CDH12: variants seen among roughly 807,000 people sequenced by gnomAD.
CDH12 encodes cadherin 12.
Under a neutral mutation model 74.1 loss-of-function variants are expected in CDH12, and 41 were observed. The observed-to-expected ratio is 0.55, with a 90% CI of 0.43 to 0.72. The LOEUF is 0.72. Among genes scored for constraint, CDH12 ranks in the 30% least tolerant of loss-of-function variants. The pLI is 0.00. For missense variants in CDH12, 945 were observed against 977.2 expected, an observed-to-expected ratio of 0.97 and a Z score of 0.44; for synonymous variants, 399 against 355.0, an observed-to-expected ratio of 1.12 and a Z score of -1.39.
chr5:22,503,961 G>A (rs1263277212), intron 2 of CDH12, among the ~76,000 whole-genome samples: 1 of 151,848 alleles, frequency 6.6e-6, no homozygotes, highest in East Asian at 1.9e-4. Flanking sequence ...GCCTTTTATA[G>A]GAATTAAATT....
intron 6 of CDH12, among the ~76,000 whole-genome samples, chr5:21,945,427 C>CAAAAAAA (rs1167475672): frequency 0.015 from 236 of 15,520 alleles, 38 homozygotes; most frequent in African/African-American, 0.024. Context: ...CTGTTTCAGA[C>CAAAAAAA]AAAAAAAAAA....
At chr5:22,817,189 C>T (rs115576076) in intron 1 of CDH12, among the ~76,000 whole-genome samples, 2,230 of 152,000 alleles carry the variant, frequency 0.015, 63 homozygotes, top group African/African-American at 0.051. Flanking sequence ...TCTCACTTTC[C>T]GTATCTAATC....
At chr5:22,810,953 ATACATATATACT>A (rs1281873295) in intron 1 of CDH12, among the ~76,000 whole-genome samples, 3 of 148,776 alleles carry the variant, frequency 2.0e-5, no homozygotes, top group Non-Finnish European at 4.5e-5. Flanking sequence ...ACTTACATAT[ATACATATATACT>A]TACATATATA....
intron 4 of CDH12, among the ~76,000 whole-genome samples, chr5:22,176,833 T>C (rs996838159): frequency 2.2e-4 from 33 of 152,178 alleles, no homozygotes; most frequent in African/African-American, 6.7e-4. Context: ...CCTCTTTCAC[T>C]TCCTCCTGTA....
At chr5:21,976,300 G>T (rs1757067669) in intron 5 of CDH12, among the ~76,000 whole-genome samples, 1 of 152,084 alleles carries the variant, frequency 6.6e-6, no homozygotes, top group African/African-American at 2.4e-5. Context: ...AGATACACAT[G>T]AATAAGCGAT....
At chr5:22,502,898 A>G (rs115074504) in intron 2 of CDH12, among the ~76,000 whole-genome samples, 2,762 of 152,232 alleles carry the variant, frequency 0.018, 86 homozygotes, top group African/African-American at 0.063. Context: ...TTTTAAATTC[A>G]CCACATATGA....
rs1739529101 is a variant in CDH12, at chr5:22,647,962, T to C, written c.-522-142598A>G. Among the ~76,000 whole-genome samples, 3 of 151,900 alleles carry C rather than the reference T, an allele frequency of 2.0e-5. No individual in the cohort carries two copies. The South Asian group carries it at 6.2e-4, about 31-fold the overall frequency. On this transcript the variant is annotated intron_variant, in intron 1 of 14. Coordinates refer to ENST00000382254, the MANE Select transcript of CDH12 (RefSeq NM_004061.5). ...TATATATGTTTTTGAAAAATATACT[T>C]TAAGTACATTGCAATATCTTATTAA...
At chr5:22,388,601 A>G (rs1212305556) in intron 3 of CDH12, among the ~76,000 whole-genome samples, 1 of 152,158 alleles carries the variant, frequency 6.6e-6, no homozygotes, top group Non-Finnish European at 1.5e-5. Flanking sequence ...ATAGATCCCA[A>G]TTTGAAGCAT....
chr5:21,872,783 GATCTATCTA>G (rs1323377614), intron 6 of CDH12, among the ~76,000 whole-genome samples: 5 of 142,024 alleles, frequency 3.5e-5, no homozygotes, highest in Admixed American at 1.4e-4. Flanking sequence ...TTAAGAGTAA[GATCTATCTA>G]TCTATCTATC....
chr5:22,529,762 A>G (rs1319966447), intron 1 of CDH12, among the ~76,000 whole-genome samples: 2 of 152,206 alleles, frequency 1.3e-5, no homozygotes, highest in African/African-American at 4.8e-5. Flanking sequence ...GACATTGGCT[A>G]TCTTTTTATC....
chr5:22,590,483 A>G, intron 1 of CDH12, among the ~76,000 whole-genome samples: 1 of 152,122 alleles, frequency 6.6e-6, no homozygotes. Flanking sequence ...TATAAAACTG[A>G]TTATACAGTT....
chr5:22,673,728 C>G (rs1190067098), intron 1 of CDH12, among the ~76,000 whole-genome samples: 1 of 152,082 alleles, frequency 6.6e-6, no homozygotes, highest in Non-Finnish European at 1.5e-5. Flanking sequence ...GTTCTTGCAT[C>G]ACCTCCCTAT....
At chr5:22,155,401 A>T (rs1747962555) in intron 4 of CDH12, among the ~76,000 whole-genome samples, 2 of 152,110 alleles carry the variant, frequency 1.3e-5, no homozygotes, top group Non-Finnish European at 2.9e-5. Context: ...ATATCTCAAC[A>T]TCTAAAAAAA....
chr5:22,122,420 C>T (rs1224812816), intron 4 of CDH12, among the ~76,000 whole-genome samples: 2 of 151,956 alleles, frequency 1.3e-5, no homozygotes, highest in Non-Finnish European at 2.9e-5. Flanking sequence ...CAAAAACAAA[C>T]AAACAAACAA....
At chr5:21,835,918 A>G (rs1749504431) in intron 8 of CDH12, among the ~76,000 whole-genome samples, 1 of 151,832 alleles carries the variant, frequency 6.6e-6, no homozygotes. Flanking sequence ...ATTAACTTGG[A>G]CATCTTGTAG....
chr5:22,623,860 A>G (rs887051263), intron 1 of CDH12, among the ~76,000 whole-genome samples: 7 of 152,222 alleles, frequency 4.6e-5, no homozygotes, highest in Non-Finnish European at 8.8e-5. Context: ...TTGCCAAGAC[A>G]ATCCTAAGCC....
At chr5:22,343,775 A>G (rs1739994767) in intron 3 of CDH12, among the ~76,000 whole-genome samples, 2 of 152,200 alleles carry the variant, frequency 1.3e-5, no homozygotes, top group South Asian at 4.1e-4. Flanking sequence ...GAAATCCTAA[A>G]TATTTTTTAA....
intron 4 of CDH12, among the ~76,000 whole-genome samples, chr5:22,191,813 C>T (rs928080434): frequency 1.3e-5 from 2 of 152,006 alleles, no homozygotes; most frequent in Non-Finnish European, 2.9e-5. Flanking sequence ...ATCCGCCCGC[C>T]TCGGCCTCCC....
chr5:21,895,017 G>A (rs200891167), intron 6 of CDH12, among the ~76,000 whole-genome samples: 16 of 146,016 alleles, frequency 1.1e-4, no homozygotes, highest in African/African-American at 1.0e-4. Flanking sequence ...CAAATAAATT[G>A]AAAAAAAAAA....
Sources: gnomAD v4.1 joint callset for allele counts (sites outside exome capture counted in the v4.1 genomes callset) on GRCh38, gnomAD v4.1.1 for gene constraint, MANE v1.5 for transcripts, NCBI Gene and HGNC (gene_info 2026-07-23, HGNC 2026-07-21) for gene names.